TENM2: variants seen among roughly 807,000 people sequenced by gnomAD.
The protein encoded by TENM2 is teneurin transmembrane protein 2, also known as teneurin-2.
In TENM2, 52 loss-of-function variants were observed where a neutral mutation model predicts 245.2. That is an observed-to-expected ratio of 0.21 (90% CI 0.17 to 0.27). The LOEUF is 0.27. TENM2 is among the 10% of genes least tolerant of loss of function. TENM2 has a pLI of 1.00. For missense variants in TENM2, 3,046 were observed against 3,666.8 expected (o/e 0.83, Z 4.37); for synonymous variants, 1,363 against 1,438.9 (o/e 0.95, Z 1.19).
intron 3 of TENM2, among the ~76,000 whole-genome samples, chr5:167,882,015 C>T (rs1773919504): frequency 6.6e-6 from 1 of 152,170 alleles, no homozygotes; most frequent in Non-Finnish European, 1.5e-5. Context: ...GTACGAAAGT[C>T]ACAAAGCTGG....
chr5:168,034,149 G>T (rs1301907903), intron 5 of TENM2, among the ~76,000 whole-genome samples: 1 of 100,624 alleles, frequency 9.9e-6, no homozygotes, highest in African/African-American at 3.6e-5. Flanking sequence ...ACATATATAT[G>T]TGTATATATA....
At chr5:167,729,534 G>A (rs1057353897) in intron 2 of TENM2, among the ~76,000 whole-genome samples, 1 of 152,168 alleles carries the variant, frequency 6.6e-6, no homozygotes, top group African/African-American at 2.4e-5. Context: ...GCTGTTTAAA[G>A]GCTAATGTAA....
intron 3 of TENM2, among the ~76,000 whole-genome samples, chr5:167,950,097 TC>T (rs1330797423): frequency 6.6e-6 from 1 of 152,068 alleles, no homozygotes; most frequent in African/African-American, 2.4e-5. Context: ...CTTCTCCATT[TC>T]CCCCAGGAAG....
intron 2 of TENM2, among the ~76,000 whole-genome samples, chr5:167,410,505 T>A (rs1029521379): frequency 1.3e-5 from 2 of 151,272 alleles, no homozygotes; most frequent in Non-Finnish European, 3.0e-5. Context: ...AACTTCCAAA[T>A]AAGGAATAAA....
chr5:167,769,754 G>T (rs1763278395), intron 2 of TENM2, among the ~76,000 whole-genome samples: 1 of 152,144 alleles, frequency 6.6e-6, no homozygotes. Context: ...GACTTGCAGA[G>T]AAATGATCAA....
At chr5:167,684,135 C>T (rs974274381) in intron 2 of TENM2, among the ~76,000 whole-genome samples, 1 of 152,222 alleles carries the variant, frequency 6.6e-6, no homozygotes, top group Admixed American at 6.5e-5. Flanking sequence ...CGAGGAAAAA[C>T]AGGAAGTACA....
the TENM2 span, among the ~76,000 whole-genome samples, chr5:167,134,417 G>A: frequency 2.0e-5 from 3 of 151,978 alleles, no homozygotes; most frequent in African/African-American, 7.3e-5. Flanking sequence ...AAAAATTAGT[G>A]AAGGTGAATG....
chr5:167,026,916 T>A, the TENM2 span, among the ~76,000 whole-genome samples: 1 of 151,760 alleles, frequency 6.6e-6, no homozygotes, highest in Non-Finnish European at 1.5e-5. Context: ...ACCCACTGAT[T>A]TTTTTTTTCA....
chr5:167,968,504 C>T (rs1359036043), intron 4 of TENM2, among the ~76,000 whole-genome samples: 1 of 152,148 alleles, frequency 6.6e-6, no homozygotes, highest in East Asian at 1.9e-4. Context: ...CAATTGCGAA[C>T]CAGCATTCAT....
At chr5:167,272,068 C>T in the TENM2 span, among the ~76,000 whole-genome samples, 1 of 152,112 alleles carries the variant, frequency 6.6e-6, no homozygotes, top group Non-Finnish European at 1.5e-5. Flanking sequence ...GACTGGAAAT[C>T]TTAGAGTACC....
intron 2 of TENM2, among the ~76,000 whole-genome samples, chr5:167,465,645 C>T (rs1294763854): frequency 6.6e-6 from 1 of 152,120 alleles, no homozygotes; most frequent in Admixed American, 6.5e-5. Context: ...CTGACTAACA[C>T]GGTGAAACCC....
chr5:167,725,690 G>A (rs772970032), intron 2 of TENM2, among the ~76,000 whole-genome samples: 18 of 152,246 alleles, frequency 1.2e-4, no homozygotes, highest in Non-Finnish European at 2.2e-4. Flanking sequence ...GCTCGCCAGT[G>A]CCCTGAGTGG....
chr5:167,539,924 A>G (rs1302738577), intron 2 of TENM2, among the ~76,000 whole-genome samples: 1 of 152,212 alleles, frequency 6.6e-6, no homozygotes, highest in Non-Finnish European at 1.5e-5. Context: ...CATTTCACAC[A>G]TCAGACGCTA....
At chr5:167,630,821 G>A (rs1195363735) in intron 2 of TENM2, among the ~76,000 whole-genome samples, 1 of 152,192 alleles carries the variant, frequency 6.6e-6, no homozygotes, top group Non-Finnish European at 1.5e-5. Flanking sequence ...CTATATCTGT[G>A]CATAGCTTTT....
intron 5 of TENM2, among the ~76,000 whole-genome samples, chr5:168,014,240 A>G (rs1207315219): frequency 6.6e-6 from 1 of 152,220 alleles, no homozygotes; most frequent in Non-Finnish European, 1.5e-5. Context: ...ACTACATGCT[A>G]AGCAGTTCAC....
chr5:167,647,596 C>G (rs1216730443), intron 2 of TENM2, among the ~76,000 whole-genome samples: 1 of 151,898 alleles, frequency 6.6e-6, no homozygotes, highest in Admixed American at 6.6e-5. Context: ...GCTCTCCAGC[C>G]CGGGCAACAG....
At chr5:167,386,573 G>C (rs1026973673) in intron 2 of TENM2, among the ~76,000 whole-genome samples, 1 of 152,008 alleles carries the variant, frequency 6.6e-6, no homozygotes, top group Admixed American at 6.6e-5. Context: ...TGGGTTCCTG[G>C]TCATAAAATC....
chr5:168,011,638 T>G (rs568228433), intron 5 of TENM2, among the ~76,000 whole-genome samples: 19 of 152,338 alleles, frequency 1.2e-4, no homozygotes, highest in African/African-American at 4.6e-4. Context: ...CTCTTGGTGA[T>G]TCTTTTTATG....
At chr5:167,968,776 C>G (rs1008615943) in intron 4 of TENM2, among the ~76,000 whole-genome samples, 2 of 152,132 alleles carry the variant, frequency 1.3e-5, no homozygotes, top group South Asian at 2.1e-4. Context: ...GCACAGGGAG[C>G]TATTAGGCCC....
Sources: allele counts gnomAD v4.1 joint callset (sites outside exome capture counted in the v4.1 genomes callset), GRCh38; gene constraint gnomAD v4.1.1; transcripts MANE v1.5; gene names NCBI Gene and HGNC (gene_info 2026-07-23, HGNC 2026-07-21).